Variants in CNTLN observed in about 807,000 individuals in gnomAD.
CNTLN encodes the protein centlein, centrosomal protein.
CNTLN carries 212 observed loss-of-function variants against 180.0 expected under a neutral mutation model. The observed-to-expected ratio is 1.18, with a 90% CI of 1.05 to 1.32. The LOEUF (loss-of-function observed/expected upper bound fraction) is 1.32, where lower values mean the gene tolerates loss of function less well. CNTLN is among the 40% of genes most tolerant of loss of function. The pLI is 0.00. For missense variants in CNTLN, 2,095 were observed against 1,610.9 expected, an observed-to-expected ratio of 1.30 and a Z score of -5.14; for synonymous variants, 722 against 563.1, an observed-to-expected ratio of 1.28 and a Z score of -3.99.
chr9:17,165,092 C>A (rs1181461501), intron 2 of CNTLN, among the ~76,000 whole-genome samples: 1 of 152,008 alleles, frequency 6.6e-6, no homozygotes, highest in East Asian at 1.9e-4. Context: ...TCCTCCTTGG[C>A]CTCCCAAAGT....
At position 17,204,256 on chromosome 9, in the gene CNTLN, T is replaced by A. The variant is rs150056815; in HGVS notation, c.450-21947T>A. Among the ~76,000 whole-genome samples, 12 of 152,360 alleles carry A rather than the reference T, an allele frequency of 7.9e-5. No individual in the cohort carries two copies. The East Asian group carries it at 2.1e-3, about 27-fold the overall frequency. On this transcript the variant is annotated intron_variant, in intron 2 of 25. Coordinates refer to ENST00000380647, the MANE Select transcript of CNTLN (RefSeq NM_017738.4). ...AGAGGCATTTTGGTTTTTGGAATTT[T>A]CAGCATTTCTGCCCTGTTTTTTCCT... is the stretch of plus-strand genomic sequence containing the variant.
intron 23 of CNTLN, among the ~76,000 whole-genome samples, chr9:17,475,121 C>T (rs2441998): frequency 0.93 from 141,886 of 152,148 alleles, 66,475 homozygotes; most frequent in Middle Eastern, 0.99. Context: ...CTTTGTCCTC[C>T]TCTTCCTTAT....
At chr9:17,328,128 A>G (rs1041000026) in intron 8 of CNTLN, among the ~76,000 whole-genome samples, 6 of 152,146 alleles carry the variant, frequency 3.9e-5, no homozygotes, top group African/African-American at 1.4e-4. Flanking sequence ...ATTTCTACAT[A>G]TAATATACCC....
intron 2 of CNTLN, among the ~76,000 whole-genome samples, chr9:17,218,445 C>G (rs1052321890): frequency 3.3e-5 from 5 of 152,040 alleles, no homozygotes; most frequent in Admixed American, 6.5e-5. Context: ...TTTATAGATG[C>G]CATTCCAGTA....
intron 18 of CNTLN, 135 bp downstream of exon 18, chr9:17,416,324 A>G: frequency 1.6e-6 from 1 of 629,816 alleles, no homozygotes; most frequent in Non-Finnish European, 2.5e-6. Flanking sequence ...ACTGTTTACT[A>G]GTGTAATTAG....
At chr9:17,177,599 G>C (rs966956114) in intron 2 of CNTLN, among the ~76,000 whole-genome samples, 1 of 152,022 alleles carries the variant, frequency 6.6e-6, no homozygotes, top group Non-Finnish European at 1.5e-5. Flanking sequence ...CTTCTGGTGG[G>C]TTCGTGGTCT....
the CNTLN span, among the ~76,000 whole-genome samples, chr9:17,516,658 A>G: frequency 6.6e-6 from 1 of 152,256 alleles, no homozygotes; most frequent in Admixed American, 6.5e-5. Context: ...CTGTCACATC[A>G]GGGTCCTATG....
intron 3 of CNTLN, among the ~76,000 whole-genome samples, chr9:17,233,924 C>T (rs1460973508): frequency 6.6e-6 from 1 of 151,956 alleles, no homozygotes; most frequent in African/African-American, 2.4e-5. Flanking sequence ...TAATGCTTAC[C>T]CTTGGAGGGA....
intron 12 of CNTLN, among the ~76,000 whole-genome samples, chr9:17,356,732 C>G (rs1169083935): frequency 1.3e-5 from 2 of 152,084 alleles, no homozygotes; most frequent in African/African-American, 4.8e-5. Flanking sequence ...GGCTCCTGGC[C>G]TCATAGAGCT....
At position 17,481,762 on chromosome 9, in the gene CNTLN, G is replaced by C. The variant is rs150286660; in HGVS notation, c.3856-2533G>C. The stretch of plus-strand genomic sequence containing the variant: ...AGCCTGTGATCCTGCCCAACAGGAA[G>C]CAATTCTAGAGCCTAGCCAGCAGCC... On this transcript the variant is annotated intron_variant, in intron 23 of 25. Coordinates refer to ENST00000380647, the MANE Select transcript of CNTLN (RefSeq NM_017738.4). Among the ~76,000 whole-genome samples, 1,385 of 152,290 alleles carry C rather than the reference G, an allele frequency of 9.1e-3. 16 individuals carry two copies. Among genetic ancestry groups the C allele is most frequent in the African/African-American group, 0.032 (1,321 of 41,552 alleles).
At chr9:17,369,953 C>T (rs910660637) in intron 13 of CNTLN, among the ~76,000 whole-genome samples, 25 of 150,704 alleles carry the variant, frequency 1.7e-4, no homozygotes, top group African/African-American at 5.6e-4. Flanking sequence ...CGCCACTGCA[C>T]TCCAGCCTGG....
At position 17,484,408 on chromosome 9, in the gene CNTLN, G is replaced by T. The variant is rs759145469; in HGVS notation, c.3969G>T (p.Gln1323His). 8.1e-6 allele frequency: 13 copies of T among 1,611,844 alleles called. No homozygotes were observed. The Admixed American group carries it at 2.0e-4, about 25-fold the overall frequency. ...GTAAAACCTCAACCCATAAAGCCCA[G>T]ACCTTGGCAGCTTCTATCCTGAACA... is the stretch of plus-strand genomic sequence containing the variant. ...DACKTSTHKA[Q>H]TLAASILNIS... The change falls in exon 24 of 26, where the codon CAG becomes CAT. Residue 1323 changes from glutamine (Q) to histidine (H), a missense_variant. Gln to His is a conservative substitution (Grantham distance 24). Coordinates refer to ENST00000380647, the MANE Select transcript of CNTLN (RefSeq NM_017738.4).
chr9:17,142,486 C>A (rs143422921), intron 1 of CNTLN, among the ~76,000 whole-genome samples: 7 of 152,058 alleles, frequency 4.6e-5, no homozygotes, highest in African/African-American at 1.4e-4. Flanking sequence ...TTTAAGATAT[C>A]TATTAGATTT....
chr9:17,498,917 C>T (rs1833596553), intron 25 of CNTLN, among the ~76,000 whole-genome samples: 1 of 152,176 alleles, frequency 6.6e-6, no homozygotes, highest in Admixed American at 6.5e-5. Context: ...CTATGCCTGT[C>T]TGTATGTCTC....
At chr9:17,518,908 G>A in the CNTLN span, among the ~76,000 whole-genome samples, 5 of 152,072 alleles carry the variant, frequency 3.3e-5, no homozygotes, top group African/African-American at 1.2e-4. Flanking sequence ...ATAAGCTTCT[G>A]CTGTGAAAAG....
chr9:17,181,682 A>G (rs959608110), intron 2 of CNTLN, among the ~76,000 whole-genome samples: 2 of 152,194 alleles, frequency 1.3e-5, no homozygotes, highest in East Asian at 1.9e-4. Flanking sequence ...ATGACATTCT[A>G]TCAGAGGAGG....
At chr9:17,390,609 A>G (rs939944782) in intron 14 of CNTLN, among the ~76,000 whole-genome samples, 1 of 152,136 alleles carries the variant, frequency 6.6e-6, no homozygotes, top group Non-Finnish European at 1.5e-5. Context: ...TATGGGCTTG[A>G]GCTGAATTAT....
At chr9:17,250,435 CCT>C (rs1826068305) in intron 5 of CNTLN, among the ~76,000 whole-genome samples, 1 of 151,854 alleles carries the variant, frequency 6.6e-6, no homozygotes, top group South Asian at 2.1e-4. Flanking sequence ...TCTCTCATTT[CCT>C]CTGTTATTGC....
chr9:17,298,570 T>C, intron 7 of CNTLN: 1 of 1,195,612 alleles, frequency 8.4e-7, no homozygotes, highest in Non-Finnish European at 1.0e-6. Flanking sequence ...AAAATATAGA[T>C]ACAAACTTAC....
Sources: allele counts gnomAD v4.1 joint callset (sites outside exome capture counted in the v4.1 genomes callset), GRCh38; gene constraint gnomAD v4.1.1; transcripts MANE v1.5; gene names NCBI Gene and HGNC (gene_info 2026-07-23, HGNC 2026-07-21).